Variants in KREMEN1 observed in about 807,000 individuals in gnomAD.
KREMEN1 encodes kremen protein 1.
KREMEN1 carries 30 observed loss-of-function variants against 46.5 expected under a neutral mutation model. That is an observed-to-expected ratio of 0.65 (90% CI 0.48 to 0.88). The LOEUF (loss-of-function observed/expected upper bound fraction) is 0.88. Ranked by LOEUF, KREMEN1 falls within the 40% of genes least tolerant of loss-of-function variation. The pLI is 0.00. For missense variants in KREMEN1, 533 were observed against 596.9 expected (o/e 0.89, Z 1.11); for synonymous variants, 214 against 230.6 (o/e 0.93, Z 0.65).
chr22:29,133,505 T>C (rs1242439112), intron 5 of KREMEN1, among the ~76,000 whole-genome samples: 1 of 151,980 alleles, frequency 6.6e-6, no homozygotes, highest in Non-Finnish European at 1.5e-5. Context: ...CTCACTATGT[T>C]ACCCAGACTG....
chr22:29,118,507 G>A (rs1025154208), intron 3 of KREMEN1, among the ~76,000 whole-genome samples: 1 of 152,180 alleles, frequency 6.6e-6, no homozygotes, highest in African/African-American at 2.4e-5. Flanking sequence ...GGGCTAGGAA[G>A]TCCAGGGTCA....
At chr22:29,078,643 G>GA (rs923191241) in intron 1 of KREMEN1, among the ~76,000 whole-genome samples, 1 of 152,148 alleles carries the variant, frequency 6.6e-6, no homozygotes, top group African/African-American at 2.4e-5. Context: ...AAACATTTCT[G>GA]AAAAAACAAA....
chr22:29,119,701 T>C (rs767731318), intron 3 of KREMEN1, among the ~76,000 whole-genome samples: 5 of 152,240 alleles, frequency 3.3e-5, no homozygotes, highest in Admixed American at 6.5e-5. Flanking sequence ...TTGGTACATA[T>C]ATTTAGCTTT....
At chr22:29,163,939 A>C (rs994913055) in intron 9 of KREMEN1, among the ~76,000 whole-genome samples, 2 of 151,650 alleles carry the variant, frequency 1.3e-5, no homozygotes, top group East Asian at 2.0e-4. Context: ...GAAAAAAAAA[A>C]CGAGGTCTTG....
chr22:29,080,451 C>T (rs531718087), intron 1 of KREMEN1, among the ~76,000 whole-genome samples: 2 of 133,448 alleles, frequency 1.5e-5, no homozygotes, highest in South Asian at 2.5e-4. Flanking sequence ...GTGCGATGCC[C>T]TGCTTGCTGT....
intron 1 of KREMEN1, among the ~76,000 whole-genome samples, chr22:29,078,010 G>A (rs1040245977): frequency 1.3e-5 from 2 of 152,168 alleles, no homozygotes; most frequent in African/African-American, 4.8e-5. Flanking sequence ...CCAGCAGTTT[G>A]GAAGGCTCAG....
At chr22:29,074,383 G>C (rs1401067104) in intron 1 of KREMEN1, among the ~76,000 whole-genome samples, 1 of 152,256 alleles carries the variant, frequency 6.6e-6, no homozygotes. Context: ...TTTTGGGTCA[G>C]CCCACACCTT....
chr22:29,160,651 G>T (rs902235441), intron 9 of KREMEN1, among the ~76,000 whole-genome samples: 3 of 151,642 alleles, frequency 2.0e-5, no homozygotes, highest in Non-Finnish European at 4.4e-5. Context: ...CAAAATAAAG[G>T]CACAAAATCA....
intron 6 of KREMEN1, among the ~76,000 whole-genome samples, chr22:29,138,063 G>A (rs2038699036): frequency 1.3e-5 from 2 of 152,204 alleles, no homozygotes; most frequent in Admixed American, 1.3e-4. Context: ...CAAAAGACTG[G>A]CTTGCCATCT....
chr22:29,092,040 G>C lies in KREMEN1; in HGVS notation c.98-2218G>C, dbSNP rs116100660. ...GAGGCCTTGCAGACACCGAGGAAGA[G>C]TCTGAGTTTTGTTTTGAGTGCCATC... On this transcript the variant is annotated intron_variant, in intron 1 of 8. Transcript: ENST00000400335. Among the ~76,000 whole-genome samples, 1,184 of 152,292 alleles carry C rather than the reference G, an allele frequency of 7.8e-3. 13 individuals carry two copies. Among genetic ancestry groups the C allele is most frequent in the African/African-American group, 0.027 (1,108 of 41,550 alleles).
Position 29,137,540 on chromosome 22 carries a change from C to T in KREMEN1, c.830C>T (p.Thr277Ile), listed in dbSNP as rs971202099. ...ATGGTGGAGCTTCTGGATGGCTACA[C>T]CCACCGTGTCCTAGCCCGCTTCCAC... ...ADMVELLDGY[T>I]HRVLARFHGR... Residue 277 changes from threonine to isoleucine, a missense_variant, in exon 6 of 9, where the codon ACC (threonine) becomes ATC (isoleucine). Thr to Ile is a moderately conservative substitution (Grantham distance 89, BLOSUM62 -1). Transcript: ENST00000400335. 1.5e-5 allele frequency: 25 copies of T among 1,613,508 alleles called. No homozygotes were observed. The highest frequency in any genetic ancestry group is 2.1e-5 in the Non-Finnish European group (25 of 1,179,518).
At chr22:29,104,656 C>G (rs1170012855) in intron 3 of KREMEN1, among the ~76,000 whole-genome samples, 2 of 152,148 alleles carry the variant, frequency 1.3e-5, no homozygotes, top group East Asian at 3.8e-4. Flanking sequence ...CCTGTAATCC[C>G]AGCACTTTGG....
At chr22:29,134,344 A>G (rs1232404747) in intron 5 of KREMEN1, among the ~76,000 whole-genome samples, 1 of 151,880 alleles carries the variant, frequency 6.6e-6, no homozygotes, top group Non-Finnish European at 1.5e-5. Context: ...TTTTGTAGAG[A>G]TGGGGTCTCA....
intron 8 of KREMEN1, among the ~76,000 whole-genome samples, chr22:29,141,279 C>G (rs6006021): frequency 6.8e-6 from 1 of 147,416 alleles, no homozygotes; most frequent in African/African-American, 2.5e-5. Context: ...GTGTGTGTGT[C>G]TGTGTCTGTG....
At chr22:29,160,046 T>C (rs914196240) in intron 9 of KREMEN1, among the ~76,000 whole-genome samples, 1 of 152,056 alleles carries the variant, frequency 6.6e-6, no homozygotes, top group Non-Finnish European at 1.5e-5. Context: ...ACTTGACCAA[T>C]TGGACCTATT....
intron 4 of KREMEN1, among the ~76,000 whole-genome samples, chr22:29,124,411 C>T (rs754765146): frequency 6.6e-6 from 1 of 151,776 alleles, no homozygotes; most frequent in Non-Finnish European, 1.5e-5. Flanking sequence ...GGGGAGGGGG[C>T]CTATAAAGCA....
In KREMEN1 at chr22:29,073,917, C is replaced by CG. The variant is rs531341967; in HGVS notation, c.97+690_97+691insG. Among the ~76,000 whole-genome samples the CG allele has an allele frequency of 5.2e-3, 791 of 152,242 alleles. 5 individuals are homozygous for CG. The highest frequency in any genetic ancestry group is 8.7e-3 in the Non-Finnish European group (590 of 68,000). On this transcript the variant is annotated intron_variant, in intron 1 of 8. Coordinates refer to ENST00000400335, the MANE Select transcript of KREMEN1 (RefSeq NM_001039570.3). The surrounding 1 kb of genome is among the most constrained non-coding windows in gnomAD (Gnocchi z 4.4). ...CTCCCCCGCTACAAGAGGCTATACG[C>CG]CCCTCTCCGAGACCTCCAGCGACAT...
chr22:29,145,590 T>G lies in KREMEN1; in HGVS notation c.*3478T>G, dbSNP rs2038845429. 3.0e-6 allele frequency: 3 copies of G among 985,588 alleles called. No individual in the cohort carries two copies. Among genetic ancestry groups the G allele is most frequent in the Non-Finnish European group, 3.6e-6 (3 of 830,040 alleles). 61.1% of individuals were successfully genotyped at this position (985,588 alleles called of 1,614,324 possible). On this transcript the variant is annotated 3_prime_UTR_variant, in exon 9 of 9. Coordinates refer to ENST00000400335, the MANE Select transcript of KREMEN1 (RefSeq NM_001039570.3). ...TAGTTTCTAGCAGCGTTTCTCAGTG[T>G]CCTTGGCCCTTCTGAGAAGGCAGGC...
At chr22:29,167,791 G>A (rs1270969848) in exon 10 of KREMEN1, 3 of 152,186 alleles carry the variant, frequency 2.0e-5, no homozygotes, top group African/African-American at 4.8e-5. Context: ...TATCTCGCTG[G>A]GGGACTTCAC....
Sources: allele counts gnomAD v4.1 joint callset (sites outside exome capture counted in the v4.1 genomes callset), GRCh38; gene constraint gnomAD v4.1.1; non-coding constraint Gnocchi (gnomAD v3.1); transcripts MANE v1.5; gene names NCBI Gene and HGNC (gene_info 2026-07-23, HGNC 2026-07-21).